STARD13: variants seen among roughly 807,000 people sequenced by gnomAD.
STARD13 encodes stAR-related lipid transfer protein 13.
STARD13 carries 62 observed loss-of-function variants against 106.4 expected under a neutral mutation model. The observed-to-expected ratio is 0.58, with a 90% CI of 0.48 to 0.72. The LOEUF (loss-of-function observed/expected upper bound fraction) is 0.72, where lower values mean the gene tolerates loss of function less well. Ranked by LOEUF, STARD13 falls within the 30% of genes least tolerant of loss-of-function variation. STARD13 has a pLI of 0.00. For synonymous variants in STARD13, 565 were observed against 553.0 expected, an observed-to-expected ratio of 1.02 and a Z score of -0.31; for missense variants, 1,387 against 1,424.0, an observed-to-expected ratio of 0.97 and a Z score of 0.42.
intron 1 of STARD13, among the ~76,000 whole-genome samples, chr13:33,285,241 C>T (rs1267494358): frequency 6.6e-6 from 1 of 152,224 alleles, no homozygotes; most frequent in Non-Finnish European, 1.5e-5. Flanking sequence ...GATTCACTGT[C>T]CCACCGTGAA....
chr13:33,403,172 G>A, the STARD13 span, among the ~76,000 whole-genome samples: 5 of 152,338 alleles, frequency 3.3e-5, no homozygotes, highest in African/African-American at 7.2e-5. Context: ...GCCCATCTGC[G>A]TGTTCCCCCT....
intron 1 of STARD13, among the ~76,000 whole-genome samples, chr13:33,330,893 T>C (rs1236304287): frequency 6.6e-6 from 1 of 152,200 alleles, no homozygotes; most frequent in Non-Finnish European, 1.5e-5. Context: ...GAGGACTTCA[T>C]GCTCTTTGCA....
At chr13:33,160,956 A>G (rs1332300107) in intron 3 of STARD13, among the ~76,000 whole-genome samples, 2 of 152,216 alleles carry the variant, frequency 1.3e-5, no homozygotes, top group Non-Finnish European at 2.9e-5. Context: ...GCTCATACAA[A>G]AACTTGAATA....
chr13:33,171,640 C>A (rs1407584253), intron 1 of STARD13, among the ~76,000 whole-genome samples: 1 of 152,190 alleles, frequency 6.6e-6, no homozygotes, highest in Admixed American at 6.5e-5. Context: ...CTTAAGAGCA[C>A]CCCATCCCTG....
At chr13:33,267,381 A>AAACAAC (rs1037334421) in intron 1 of STARD13, among the ~76,000 whole-genome samples, 1 of 152,058 alleles carries the variant, frequency 6.6e-6, no homozygotes, top group East Asian at 1.9e-4. Flanking sequence ...ATAAACCTTA[A>AAACAAC]AACAACAACA....
At chr13:33,359,953 T>C in the STARD13 span, among the ~76,000 whole-genome samples, 5 of 152,364 alleles carry the variant, frequency 3.3e-5, no homozygotes, top group South Asian at 4.1e-4. Context: ...TTATCTAAAA[T>C]GATTTCTAAG....
At chr13:33,397,018 C>A in the STARD13 span, among the ~76,000 whole-genome samples, 1 of 151,992 alleles carries the variant, frequency 6.6e-6, no homozygotes, top group Non-Finnish European at 1.5e-5. Context: ...ATTTTCAGAC[C>A]AGAAAATTGG....
At chr13:33,458,806 A>T in the STARD13 span, among the ~76,000 whole-genome samples, 28 of 149,436 alleles carry the variant, frequency 1.9e-4, no homozygotes, top group African/African-American at 6.4e-4. Context: ...AATCTGCACA[A>T]CATGTTTACT....
At chr13:33,182,119 C>G (rs147903404) in intron 1 of STARD13, among the ~76,000 whole-genome samples, 1 of 152,320 alleles carries the variant, frequency 6.6e-6, no homozygotes, top group Non-Finnish European at 1.5e-5. Context: ...GTACACACAT[C>G]ATACACACAT....
the STARD13 span, among the ~76,000 whole-genome samples, chr13:33,585,039 A>C: frequency 6.6e-6 from 1 of 152,188 alleles, no homozygotes; most frequent in East Asian, 1.9e-4. Flanking sequence ...ATAATTTATA[A>C]ATTATCCAGT....
the STARD13 span, among the ~76,000 whole-genome samples, chr13:33,497,661 T>C: frequency 6.6e-6 from 1 of 152,178 alleles, no homozygotes; most frequent in Non-Finnish European, 1.5e-5. Context: ...CTATCTGCTT[T>C]AAAAATCACT....
the STARD13 span, among the ~76,000 whole-genome samples, chr13:33,430,184 T>TGGGATTACA: frequency 1.3e-5 from 2 of 152,212 alleles, no homozygotes; most frequent in Non-Finnish European, 2.9e-5. Context: ...CCCAAAGTAC[T>TGGGATTACA]GGGATTACAG....
intron 1 of STARD13, among the ~76,000 whole-genome samples, chr13:33,261,558 G>A (rs1228087838): frequency 1.3e-5 from 2 of 151,960 alleles, no homozygotes; most frequent in East Asian, 1.9e-4. Context: ...TTGTTCTCCC[G>A]GCATAAGCCT....
the STARD13 span, among the ~76,000 whole-genome samples, chr13:33,472,480 C>T: frequency 6.6e-6 from 1 of 152,018 alleles, no homozygotes. Context: ...GTATGATTAG[C>T]AACATTAGAG....
At chr13:33,185,363 T>C (rs959027456) in intron 1 of STARD13, among the ~76,000 whole-genome samples, 12 of 152,254 alleles carry the variant, frequency 7.9e-5, no homozygotes, top group African/African-American at 2.9e-4. Context: ...ATCTTATGTT[T>C]TGAAGGCAAT....
intron 1 of STARD13, among the ~76,000 whole-genome samples, chr13:33,305,553 A>T (rs1892874414): frequency 6.6e-6 from 1 of 152,254 alleles, no homozygotes; most frequent in Non-Finnish European, 1.5e-5. Context: ...CTCTCCCTGC[A>T]TGGAGTAGAC....
chr13:33,318,166 C>T (rs9569315), intron 1 of STARD13, among the ~76,000 whole-genome samples: 3 of 151,982 alleles, frequency 2.0e-5, no homozygotes, highest in African/African-American at 7.3e-5. Flanking sequence ...TAGTATCACC[C>T]TCAGTTTATA....
the STARD13 span, among the ~76,000 whole-genome samples, chr13:33,627,633 T>C: frequency 6.9e-6 from 1 of 144,598 alleles, no homozygotes; most frequent in Admixed American, 6.8e-5. Flanking sequence ...CAAGACTCCA[T>C]CTCAAAAAAA....
the STARD13 span, among the ~76,000 whole-genome samples, chr13:33,669,530 C>CTTTT: frequency 5.4e-4 from 56 of 103,132 alleles, 3 homozygotes; most frequent in African/African-American, 1.5e-3. Flanking sequence ...AGAGGATGTT[C>CTTTT]TTTTTTTTTT....
Sources: allele counts gnomAD v4.1 joint callset (sites outside exome capture counted in the v4.1 genomes callset), GRCh38; gene constraint gnomAD v4.1.1; transcripts MANE v1.5; gene names NCBI Gene and HGNC (gene_info 2026-07-23, HGNC 2026-07-21).